CDH13: variants seen among roughly 807,000 people sequenced by gnomAD.
CDH13 encodes the protein cadherin-13.
CDH13 carries 24 observed loss-of-function variants against 63.8 expected under a neutral mutation model. That is an observed-to-expected ratio of 0.38 (90% CI 0.27 to 0.53). The LOEUF (loss-of-function observed/expected upper bound fraction) is 0.53. CDH13 is among the 20% of genes least tolerant of loss of function. CDH13 has a pLI of 0.85. For missense variants in CDH13, 1,049 were observed against 903.1 expected (o/e 1.16, Z -2.07); for synonymous variants, 503 against 355.3 (o/e 1.42, Z -4.67).
intron 7 of CDH13, among the ~76,000 whole-genome samples, chr16:83,573,470 T>C (rs536265504): frequency 6.6e-6 from 1 of 152,282 alleles, no homozygotes; most frequent in Non-Finnish European, 1.5e-5. Context: ...GACCAGCACT[T>C]GTGACACATG....
Position 83,029,891 on chromosome 16 carries a change from C to T in CDH13, c.158-2119C>T, listed in dbSNP as rs750956839. ...ATTAAAGGTTTACTAAACAAATAAG[C>T]CTGTTCAGCAGAGACCAAAAAGCAC... On this transcript the variant is annotated intron_variant, in intron 2 of 13. Transcript: ENST00000567109. Among the ~76,000 whole-genome samples the T allele has an allele frequency of 5.3e-5, 8 of 152,278 alleles. No individual in the cohort carries two copies. The East Asian group carries it at 9.7e-4, about 18-fold the overall frequency.
intron 6 of CDH13, among the ~76,000 whole-genome samples, chr16:83,431,533 T>A (rs552846673): frequency 5.3e-5 from 8 of 152,124 alleles, no homozygotes; most frequent in Admixed American, 1.3e-4. Context: ...TTATAAAAAA[T>A]TTTTTAAAAA....
At chr16:83,373,649 A>G (rs1301391671) in intron 6 of CDH13, among the ~76,000 whole-genome samples, 1 of 152,034 alleles carries the variant, frequency 6.6e-6, no homozygotes, top group African/African-American at 2.4e-5. Flanking sequence ...TAGGAACAAA[A>G]TATTTGTGGA....
At chr16:83,081,844 A>C (rs1393552488) in intron 3 of CDH13, among the ~76,000 whole-genome samples, 3 of 151,928 alleles carry the variant, frequency 2.0e-5, no homozygotes, top group Non-Finnish European at 4.4e-5. Context: ...CTTGTTGTCC[A>C]GGCTGGAGTA....
chr16:83,746,490 A>G (rs1020516941), intron 10 of CDH13, among the ~76,000 whole-genome samples: 2 of 152,118 alleles, frequency 1.3e-5, no homozygotes, highest in Non-Finnish European at 2.9e-5. Flanking sequence ...CTATGAAGTA[A>G]CATTCCCAAG....
Position 82,726,165 on chromosome 16 carries a change from C to T in CDH13, c.45+99028C>T, listed in dbSNP as rs998243218. On this transcript the variant is annotated intron_variant, in intron 1 of 13. Transcript: ENST00000567109. ...TGTGTGTGCTGTGTGCATGTGCGCA[C>T]GGTAGGTTATACAGCACCAAGGGGT... 1.1e-3 allele frequency among the ~76,000 whole-genome samples: 167 copies of T among 152,124 alleles called. 1 individual carries two copies. The highest frequency in any genetic ancestry group is 3.7e-3 in the African/African-American group (153 of 41,422).
intron 1 of CDH13, among the ~76,000 whole-genome samples, chr16:82,697,863 A>G (rs1029334327): frequency 1.3e-5 from 2 of 152,154 alleles, no homozygotes. Context: ...TGCTGATAAT[A>G]GCTTGTAATA....
intron 2 of CDH13, among the ~76,000 whole-genome samples, chr16:82,996,819 A>G (rs1372547903): frequency 2.7e-5 from 4 of 150,234 alleles, no homozygotes; most frequent in Non-Finnish European, 5.9e-5. Context: ...GGTGGTGATG[A>G]TGATAGTGAT....
chr16:83,549,935 C>A (rs912906456), intron 7 of CDH13, among the ~76,000 whole-genome samples: 2 of 152,170 alleles, frequency 1.3e-5, no homozygotes, highest in Non-Finnish European at 2.9e-5. Flanking sequence ...GCATGCCAGT[C>A]TTTCCCACTC....
rs574301741 is a variant in CDH13, at chr16:83,762,578, C to A, written c.1681+14328C>A. On this transcript the variant is annotated intron_variant, in intron 11 of 13. Transcript: ENST00000567109. The stretch of plus-strand genomic sequence containing the variant: ...AAAGGTCAAATGTTAGTCGCCCTGT[C>A]TTATGTGGGCTGAAAACTGTCACAG... 2.7e-3 allele frequency among the ~76,000 whole-genome samples: 417 copies of A among 152,290 alleles called. 1 individual carries two copies. Among genetic ancestry groups the A allele is most frequent in the Non-Finnish European group, 4.7e-3 (319 of 68,038 alleles).
intron 4 of CDH13, among the ~76,000 whole-genome samples, chr16:83,161,600 A>C (rs530588753): frequency 6.6e-6 from 1 of 152,084 alleles, no homozygotes; most frequent in Admixed American, 6.6e-5. Flanking sequence ...ATCCACAACC[A>C]CCAGCATTTG....
intron 8 of CDH13, among the ~76,000 whole-genome samples, chr16:83,643,895 G>C (rs149558163): frequency 2.2e-4 from 34 of 152,258 alleles, no homozygotes; most frequent in African/African-American, 7.7e-4. Context: ...CACGCTTTAC[G>C]TACTACCCAG....
chr16:82,888,861 C>T (rs571398178), intron 2 of CDH13, among the ~76,000 whole-genome samples: 4 of 152,224 alleles, frequency 2.6e-5, no homozygotes, highest in African/African-American at 4.8e-5. Flanking sequence ...GTCTTGTGGC[C>T]GGTTATAAAA....
At chr16:82,894,705 A>G (rs2041193742) in intron 2 of CDH13, among the ~76,000 whole-genome samples, 1 of 151,796 alleles carries the variant, frequency 6.6e-6, no homozygotes, top group African/African-American at 2.4e-5. Flanking sequence ...AGAAAAAAAT[A>G]AAATAAAATA....
intron 6 of CDH13, among the ~76,000 whole-genome samples, chr16:83,371,409 A>T (rs2091364967): frequency 6.6e-6 from 1 of 152,206 alleles, no homozygotes; most frequent in Admixed American, 6.5e-5. Flanking sequence ...GTTCTTGCTT[A>T]CTGCCCATTA....
At chr16:83,142,769 C>T (rs990434670) in intron 4 of CDH13, among the ~76,000 whole-genome samples, 3 of 131,280 alleles carry the variant, frequency 2.3e-5, no homozygotes. Context: ...AATGAATGGT[C>T]AAAAAAGGCC....
intron 8 of CDH13, among the ~76,000 whole-genome samples, chr16:83,604,979 G>T (rs994833604): frequency 2.0e-5 from 3 of 152,132 alleles, no homozygotes; most frequent in Non-Finnish European, 4.4e-5. Flanking sequence ...GACTCTAAAG[G>T]TTAGCTACCA....
intron 5 of CDH13, among the ~76,000 whole-genome samples, chr16:83,302,025 C>G (rs901742280): frequency 3.3e-5 from 5 of 151,832 alleles, no homozygotes; most frequent in African/African-American, 1.2e-4. Context: ...AAAATCCCAG[C>G]TAGTCCATTC....
At chr16:82,988,154 G>A (rs1911187382) in intron 2 of CDH13, among the ~76,000 whole-genome samples, 1 of 152,118 alleles carries the variant, frequency 6.6e-6, no homozygotes, top group Non-Finnish European at 1.5e-5. Context: ...AGGGTCGTGT[G>A]TGTACATGCA....
Sources: gnomAD v4.1 joint callset for allele counts (sites outside exome capture counted in the v4.1 genomes callset) on GRCh38, gnomAD v4.1.1 for gene constraint, MANE v1.5 for transcripts, NCBI Gene and HGNC (gene_info 2026-07-23, HGNC 2026-07-21) for gene names.